Variants in LPA observed in about 807,000 individuals in gnomAD.
LPA encodes the protein apolipoprotein(a).
LPA carries 199 observed loss-of-function variants against 197.9 expected under a neutral mutation model. The observed-to-expected ratio is 1.01, with a 90% confidence interval of 0.90 to 1.13. LPA has a LOEUF of 1.13. Among genes scored for constraint, LPA ranks in the 50% most tolerant of loss-of-function variants. LPA has a pLI of 0.00. For missense variants in LPA, 1,853 were observed against 1,785.8 expected, an observed-to-expected ratio of 1.04 and a Z score of -0.68; for synonymous variants, 715 against 639.5, an observed-to-expected ratio of 1.12 and a Z score of -1.78.
chr6:160,661,126 CT>C, intron 1 of LPA, among the ~76,000 whole-genome samples: 1 of 152,014 alleles, frequency 6.6e-6, no homozygotes, highest in South Asian at 2.1e-4. Flanking sequence ...TCTTCCAAGC[CT>C]GGAGATGCCA....
chr6:160,634,944 C>G (rs549924101), intron 7 of LPA, among the ~76,000 whole-genome samples, 179 bp downstream of exon 7: 1 of 150,290 alleles, frequency 6.7e-6, no homozygotes, highest in Non-Finnish European at 1.5e-5. Context: ...ACCCAAGTTG[C>G]ACCAGAAATC....
At chr6:160,608,944 G>C (rs146651407) in intron 16 of LPA, among the ~76,000 whole-genome samples, 1 of 151,844 alleles carries the variant, frequency 6.6e-6, no homozygotes, top group Non-Finnish European at 1.5e-5. Context: ...TTCCTATTCA[G>C]AAATGTCTAA....
chr6:160,542,641 G>C, intron 34 of LPA, 47 bp downstream of exon 34: 1 of 1,611,040 alleles, frequency 6.2e-7, no homozygotes, highest in African/African-American at 1.3e-5. Context: ...GGTTTTGTGG[G>C]GCTTACATGG....
In LPA at chr6:160,557,447, C is replaced by T. The variant is rs41264306; in HGVS notation, c.4756G>A (p.Val1586Ile). Residue 1586 changes from valine to isoleucine, a missense_variant, in exon 29 of 39, where the codon GTC (valine) becomes ATC (isoleucine). By Grantham distance (29) the Val-to-Ile change is conservative. This residue lies in a region of LPA where 1,737 missense variants were observed against 1,504.4 expected (regional missense o/e 1.15). Transcript: ENST00000316300. ...LTQCSETESG[V>I]LETPTVVPVP... ...GGAACAACAGTGGGAGTCTCTAGGA[C>T]ACCTGATTCTGTTTCTGAGCATTGT... The T allele has an allele frequency of 3.8e-5, 61 of 1,614,124 alleles. No individual in the cohort carries two copies. In the African/African-American group the frequency reaches 6.4e-4, roughly 17 times the overall value.
chr6:160,578,845 G>T, intron 26 of LPA, 141 bp from the exon 27 acceptor site: 1 of 1,253,210 alleles, frequency 8.0e-7, no homozygotes, highest in Non-Finnish European at 1.1e-6. Context: ...ATTGCCACAA[G>T]CACAAATGGT....
At chr6:160,609,309 T>C (rs1582883619) in intron 16 of LPA, among the ~76,000 whole-genome samples, 2 of 152,130 alleles carry the variant, frequency 1.3e-5, no homozygotes, top group Admixed American at 1.3e-4. Context: ...TTCAGCATTC[T>C]CGGTTGATCT....
At chr6:160,654,317 T>C (rs1275748020) in intron 1 of LPA, among the ~76,000 whole-genome samples, 1 of 149,446 alleles carries the variant, frequency 6.7e-6, no homozygotes, top group African/African-American at 2.5e-5. Flanking sequence ...TCTTTTCACA[T>C]TTTTCTCCCT....
At chr6:160,545,320 G>A (rs1330509071) in intron 33 of LPA, 120 bp downstream of exon 33, 10 of 720,416 alleles carry the variant, frequency 1.4e-5, no homozygotes, top group Middle Eastern at 3.5e-4. Context: ...TGGTGGAGAG[G>A]GCAGCCATCT....
intron 16 of LPA, among the ~76,000 whole-genome samples, chr6:160,607,106 T>C (rs1401462297): frequency 6.6e-6 from 1 of 152,118 alleles, no homozygotes; most frequent in Non-Finnish European, 1.5e-5. Context: ...AAGTTGCAAC[T>C]AACAGGTAGT....
chr6:160,562,403 T>C (rs998574357), intron 28 of LPA, among the ~76,000 whole-genome samples: 2 of 152,248 alleles, frequency 1.3e-5, no homozygotes, highest in African/African-American at 4.8e-5. Flanking sequence ...CAGCCTTGCA[T>C]CCCAGGGATG....
At chr6:160,608,840 TGTGA>T (rs990159227) in intron 16 of LPA, among the ~76,000 whole-genome samples, 3 of 151,884 alleles carry the variant, frequency 2.0e-5, no homozygotes, top group African/African-American at 7.3e-5. Flanking sequence ...TGTGTGTGTG[TGTGA>T]ACTTGTGAGT....
intron 18 of LPA, 42 bp from the exon 19 acceptor site, chr6:160,601,140 A>G (rs1313079661): frequency 5.7e-6 from 9 of 1,576,874 alleles, no homozygotes; most frequent in African/African-American, 1.3e-5. Flanking sequence ...AAATGGGTAC[A>G]TATGCAGGAA....
At chr6:160,655,002 T>C (rs917589230) in intron 1 of LPA, among the ~76,000 whole-genome samples, 2 of 152,090 alleles carry the variant, frequency 1.3e-5, no homozygotes, top group African/African-American at 2.4e-5. Flanking sequence ...AACATGGGCA[T>C]TTGAGCCACT....
At chr6:160,582,189 T>C (rs115084208) in intron 26 of LPA, among the ~76,000 whole-genome samples, 1,684 of 152,192 alleles carry the variant, frequency 0.011, 30 homozygotes, top group African/African-American at 0.038. Flanking sequence ...CTAAAGGTGT[T>C]ATTCCATTGT....
At position 160,584,876 on chromosome 6, in the gene LPA, ACTT is replaced by A. The variant is rs41272116; in HGVS notation, c.4289+167_4289+169del. On this transcript the variant is annotated intron_variant, in intron 26 of 38. Transcript: ENST00000316300. The stretch of plus-strand genomic sequence containing the variant: ...TGTTATGAAAGATAGCAATCCTAAA[ACTT>A]CTCTTCATTCAGACCTTTTGCTCAA... Among the ~76,000 whole-genome samples, 1,143 of 152,144 alleles carry A rather than the reference ACTT, an allele frequency of 7.5e-3. 11 individuals carry two copies. Among genetic ancestry groups the A allele is most frequent in the Middle Eastern group, 0.051 (15 of 294 alleles).
chr6:160,546,751 A>G (rs141037027), intron 32 of LPA, among the ~76,000 whole-genome samples: 2,986 of 152,194 alleles, frequency 0.02, 82 homozygotes, highest in African/African-American at 0.068. Context: ...GTGTGAGGAG[A>G]AATCCCCCCA....
rs1249853765 is a variant in LPA at position 160,548,615 on chromosome 6, C to T, written c.5018G>A (p.Gly1673Asp). 3.7e-6 allele frequency: 6 copies of T among 1,614,080 alleles called. No homozygotes were observed. The South Asian group carries it at 4.4e-5, about 12-fold the overall frequency. The change falls in exon 31 of 39, where the codon GGC becomes GAC. Residue 1673 changes from glycine (G) to aspartate (D), a missense_variant. By Grantham distance (94) the Gly-to-Asp change is moderately conservative. Coordinates refer to ENST00000316300, the MANE Select transcript of LPA (RefSeq NM_005577.4). ...GGGGTCCATGGTAAAACACCAAGGG[C>T]CTGTATCGGCATCTGGATTCCTGCA... ...NYCRNPDADTGPWCFTMDPSI... is the reference protein window; with the variant it reads ...NYCRNPDADTDPWCFTMDPSI...
At chr6:160,535,249 G>A in intron 37 of LPA, among the ~76,000 whole-genome samples, 1 of 148,944 alleles carries the variant, frequency 6.7e-6, no homozygotes, top group Admixed American at 6.7e-5. Flanking sequence ...GATGGTGGCA[G>A]TGATAATGGC....
At chr6:160,653,051 T>C (rs1242547176) in intron 1 of LPA, among the ~76,000 whole-genome samples, 4 of 152,120 alleles carry the variant, frequency 2.6e-5, no homozygotes, top group Non-Finnish European at 4.4e-5. Context: ...ACAACTACTT[T>C]AATGCAAATG....
Sources: gnomAD v4.1 joint callset for allele counts (sites outside exome capture counted in the v4.1 genomes callset) on GRCh38, gnomAD v4.1.1 for gene constraint, gnomAD v4.1.1 regional missense constraint, MANE v1.5 for transcripts, NCBI Gene and HGNC (gene_info 2026-07-23, HGNC 2026-07-21) for gene names.